Variants in OPRM1 observed in about 807,000 individuals in gnomAD.
OPRM1 encodes the protein opioid receptor mu 1.
In OPRM1, 27 loss-of-function variants were observed where a neutral mutation model predicts 31.8. That is an observed-to-expected ratio of 0.85 (90% CI 0.63 to 1.17). The LOEUF (loss-of-function observed/expected upper bound fraction) is 1.17. Ranked by LOEUF, OPRM1 falls within the 50% of genes most tolerant of loss-of-function variation. The pLI, the probability that OPRM1 is intolerant of heterozygous loss-of-function variation, is 0.00. For missense variants in OPRM1, 536 were observed against 511.1 expected (o/e 1.05, Z -0.47); for synonymous variants, 196 against 189.9 (o/e 1.03, Z -0.26).
chr6:154,033,718 CAAAAG>C (rs1217507573), intron 1 of OPRM1, among the ~76,000 whole-genome samples: 1 of 152,106 alleles, frequency 6.6e-6, no homozygotes, highest in Non-Finnish European at 1.5e-5. Context: ...TAAAAGGAAA[CAAAAG>C]AAAGAAGCTG....
chr6:154,150,460 G>T (rs748493409), intron 3 of OPRM1, among the ~76,000 whole-genome samples: 1 of 152,116 alleles, frequency 6.6e-6, no homozygotes, highest in Non-Finnish European at 1.5e-5. Context: ...ATGCTGATTG[G>T]TCCTATTGAC....
intron 1 of OPRM1, chr6:154,086,820 G>A (rs1251680582): frequency 3.0e-6 from 3 of 985,292 alleles, no homozygotes; most frequent in Non-Finnish European, 3.6e-6. Context: ...GATCATGCAG[G>A]TCTATAACCA....
intron 1 of OPRM1, chr6:154,086,766 T>A: frequency 1.0e-6 from 1 of 985,384 alleles, no homozygotes; most frequent in Non-Finnish European, 1.2e-6. Flanking sequence ...AAATGTAAGG[T>A]CTGCTGGGTA....
chr6:154,100,093 ATAT>A (rs1243454332), intron 3 of OPRM1, among the ~76,000 whole-genome samples: 1 of 58,666 alleles, frequency 1.7e-5, no homozygotes, highest in East Asian at 1.2e-3. Context: ...ATATATTATC[ATAT>A]TATGATATAT....
chr6:154,051,338 G>A (rs1439703637), intron 1 of OPRM1, among the ~76,000 whole-genome samples: 4 of 152,138 alleles, frequency 2.6e-5, no homozygotes, highest in Non-Finnish European at 4.4e-5. Context: ...TGAGAATGGC[G>A]AAAATGCACA....
At chr6:154,243,355 A>G (rs1780753907) in intron 3 of OPRM1, among the ~76,000 whole-genome samples, 1 of 152,196 alleles carries the variant, frequency 6.6e-6, no homozygotes, top group Admixed American at 6.5e-5. Flanking sequence ...GCCGCGTCAC[A>G]CTAAGCACAT....
intron 3 of OPRM1, chr6:154,212,685 G>T: frequency 1.1e-6 from 1 of 873,280 alleles, no homozygotes; most frequent in Non-Finnish European, 1.8e-6. Flanking sequence ...AAAATTTATT[G>T]GTCAAGCTAC....
intron 1 of OPRM1, among the ~76,000 whole-genome samples, chr6:154,053,051 A>G: frequency 6.6e-6 from 1 of 152,150 alleles, no homozygotes; most frequent in East Asian, 1.9e-4. Flanking sequence ...TCTAACCCCC[A>G]ACCCTTTATT....
intron 1 of OPRM1, among the ~76,000 whole-genome samples, chr6:154,023,612 C>A (rs186994656): frequency 7.4e-4 from 112 of 152,242 alleles, no homozygotes; most frequent in Non-Finnish European, 1.2e-3. Context: ...AAATGAGCAT[C>A]CCTGCCATGC....
Position 154,127,277 on chromosome 6 carries a change from T to A in OPRM1, c.*8556T>A, listed in dbSNP as rs948083176. Reference sequence around the variant, plus strand: ...GCTTTGAAATCAGTGGCCATTATCATCTAAGGATTCCGCCAGAGACTTCCA... The same window carrying A: ...GCTTTGAAATCAGTGGCCATTATCAACTAAGGATTCCGCCAGAGACTTCCA... On this transcript the variant is annotated 3_prime_UTR_variant, in exon 4 of 4. Transcript: ENST00000330432. Among the ~76,000 whole-genome samples the A allele has an allele frequency of 6.6e-6, 1 of 152,136 alleles. No individual in the cohort carries two copies. The highest frequency in any genetic ancestry group is 6.5e-5 in the Admixed American group (1 of 15,280).
chr6:154,179,319 CA>C (rs558905917), intron 3 of OPRM1, among the ~76,000 whole-genome samples: 3 of 152,150 alleles, frequency 2.0e-5, no homozygotes, highest in Non-Finnish European at 4.4e-5. Context: ...TTCAGTAAAG[CA>C]GTATTTTAAA....
chr6:154,053,474 T>C (rs758752487), intron 1 of OPRM1, among the ~76,000 whole-genome samples: 6 of 152,248 alleles, frequency 3.9e-5, no homozygotes, highest in Non-Finnish European at 8.8e-5. Flanking sequence ...AAATGTTTTC[T>C]GCAGCTCTCA....
intron 1 of OPRM1, chr6:154,073,670 T>C (rs186432337): frequency 6.6e-6 from 1 of 152,310 alleles, no homozygotes; most frequent in Non-Finnish European, 1.5e-5. Flanking sequence ...GAATTTACAC[T>C]TGAGGAAACA....
intron 3 of OPRM1, among the ~76,000 whole-genome samples, chr6:154,097,426 G>A (rs599548): frequency 0.13 from 19,784 of 152,004 alleles, 1,457 homozygotes; most frequent in Admixed American, 0.23. Flanking sequence ...CATCTGTGGA[G>A]AGTTAATTTG....
At chr6:154,153,996 C>A (rs544224111) in intron 3 of OPRM1, among the ~76,000 whole-genome samples, 20 of 152,304 alleles carry the variant, frequency 1.3e-4, no homozygotes, top group African/African-American at 3.9e-4. Context: ...TTTACTAATA[C>A]CTTTGGTCTA....
intron 3 of OPRM1, among the ~76,000 whole-genome samples, chr6:154,207,082 A>G (rs1777559736): frequency 1.3e-5 from 2 of 152,214 alleles, no homozygotes; most frequent in South Asian, 2.1e-4. Flanking sequence ...GACTAGAGAC[A>G]GGGAAAGAAA....
rs1325109866 is a variant in OPRM1, at chr6:154,214,698, A to G, written c.1165-31995A>G. On this transcript the variant is annotated intron_variant, in intron 3 of 3. Coordinates refer to the OPRM1 transcript ENST00000337049. Reference sequence around the variant, plus strand: ...CAGTTTATTTTAGAAAAAATGTACGAAAAGATCATCCATTTAATCCAGGAA... The same window carrying G: ...CAGTTTATTTTAGAAAAAATGTACGGAAAGATCATCCATTTAATCCAGGAA... 2.0e-5 allele frequency among the ~76,000 whole-genome samples: 3 copies of G among 152,246 alleles called. No homozygotes were observed. In the East Asian group the frequency reaches 5.8e-4, roughly 29 times the overall value.
intron 3 of OPRM1, among the ~76,000 whole-genome samples, chr6:154,160,771 T>C (rs904402637): frequency 2.6e-5 from 4 of 152,204 alleles, no homozygotes; most frequent in African/African-American, 9.6e-5. Flanking sequence ...GCCCTGACAA[T>C]TGTATCTCAA....
At chr6:154,090,905 T>C in intron 2 of OPRM1, 47 bp from the exon 3 acceptor site, 2 of 1,550,820 alleles carry the variant, frequency 1.3e-6, no homozygotes, top group Non-Finnish European at 1.8e-6. Flanking sequence ...CCTTATGACA[T>C]AATTAAATGT....
Sources: allele counts gnomAD v4.1 joint callset (sites outside exome capture counted in the v4.1 genomes callset), GRCh38; gene constraint gnomAD v4.1.1; transcripts MANE v1.5; gene names NCBI Gene and HGNC (gene_info 2026-07-23, HGNC 2026-07-21).